Variants in ZNF8 observed in about 807,000 individuals in gnomAD.
ZNF8 encodes zinc finger protein 272.
ZNF8 carries 9 observed loss-of-function variants against 12.2 expected under a neutral mutation model. The ratio of observed to expected loss-of-function variants is 0.73; its 90% CI spans 0.44 to 1.28. The LOEUF (loss-of-function observed/expected upper bound fraction) is 1.28, where lower values mean the gene tolerates loss of function less well. Among genes scored for constraint, ZNF8 ranks in the 50% most tolerant of loss-of-function variants. The pLI, the probability that ZNF8 is intolerant of heterozygous loss-of-function variation, is 0.00. For synonymous variants in ZNF8, 274 were observed against 282.3 expected, an observed-to-expected ratio of 0.97 and a Z score of 0.30; for missense variants, 664 against 729.1, an observed-to-expected ratio of 0.91 and a Z score of 1.03.
chr19:58,292,782 C>T (rs975875980), intron 3 of ZNF8, among the ~76,000 whole-genome samples: 2 of 152,132 alleles, frequency 1.3e-5, no homozygotes, highest in African/African-American at 2.4e-5. Context: ...CATAATATCC[C>T]GTCGTATGGA....
At chr19:58,288,950 A>G (rs1405204573) in intron 3 of ZNF8, among the ~76,000 whole-genome samples, 1 of 152,136 alleles carries the variant, frequency 6.6e-6, no homozygotes. Context: ...CTTATGCCAT[A>G]ACCAAATCCA....
chr19:58,279,325 C>A (rs1267268043), intron 1 of ZNF8, 178 bp downstream of exon 1: 1 of 1,485,986 alleles, frequency 6.7e-7, no homozygotes, highest in African/African-American at 1.4e-5. Flanking sequence ...GAGAGGGGGC[C>A]GGGATTCCAA....
intron 2 of ZNF8, 119 bp downstream of exon 2, chr19:58,285,962 A>G: frequency 6.9e-7 from 1 of 1,446,636 alleles, no homozygotes; most frequent in Admixed American, 2.0e-5. Flanking sequence ...ATGAAGAGGG[A>G]GGTCTGCCCT....
chr19:58,288,294 A>G (rs1446516132), intron 3 of ZNF8, among the ~76,000 whole-genome samples: 3 of 152,192 alleles, frequency 2.0e-5, no homozygotes, highest in Non-Finnish European at 2.9e-5. Context: ...CTTGTAAAAC[A>G]GGAGCCCTGA....
Position 58,294,592 on chromosome 19 carries a change from T to C in ZNF8, c.784T>C (p.Cys262Arg). Residue 262 changes from cysteine (C) to arginine (R), a missense_variant, in exon 4 of 4, where the codon TGT becomes CGT. By Grantham distance (180) the Cys-to-Arg change is radical. This residue lies in a region of ZNF8 where 133 missense variants were observed against 198.4 expected (regional missense o/e 0.67). Transcript: ENST00000621650. The surrounding 1 kb of genome is among the most constrained non-coding windows in gnomAD (Gnocchi z 5.5). ...VQDKPYKCTD[C>R]GKSFNHNAHL... ...GGACAAACCCTACAAATGTACTGAC[T>C]GTGGGAAGTCGTTTAACCATAACGC... 1.2e-6 allele frequency: 2 copies of C among 1,614,170 alleles called. No individual in the cohort carries two copies. The highest frequency in any genetic ancestry group is 8.5e-7 in the Non-Finnish European group (1 of 1,180,034).
chr19:58,284,723 C>T (rs2051372376), intron 1 of ZNF8, among the ~76,000 whole-genome samples: 1 of 152,146 alleles, frequency 6.6e-6, no homozygotes, highest in African/African-American at 2.4e-5. Context: ...GTGGTGCGCT[C>T]CTGTAGTCCC....
intron 1 of ZNF8, chr19:58,279,711 G>A (rs780433778): frequency 1.3e-6 from 2 of 1,523,360 alleles, no homozygotes; most frequent in Admixed American, 2.0e-5. Context: ...CTGCGAGACT[G>A]TGGGAGAACT....
At chr19:58,286,064 C>A in intron 2 of ZNF8, 46 bp from the exon 3 acceptor site, 1 of 1,584,550 alleles carries the variant, frequency 6.3e-7, no homozygotes, top group Non-Finnish European at 8.6e-7. Flanking sequence ...CTTGTTGTTT[C>A]TCTCCTGAGC....
intron 2 of ZNF8, 76 bp downstream of exon 2, chr19:58,285,919 T>A (rs1392864494): frequency 1.1e-5 from 16 of 1,519,216 alleles, no homozygotes; most frequent in African/African-American, 1.4e-5. Context: ...TGTGAGGACC[T>A]GACCTTGGGT....
intron 1 of ZNF8, chr19:58,280,413 A>G (rs749744700): frequency 1.4e-4 from 21 of 153,624 alleles, no homozygotes; most frequent in Non-Finnish European, 2.3e-4. Context: ...CAAGGTAGAA[A>G]CTGTAACACC....
intron 1 of ZNF8, among the ~76,000 whole-genome samples, chr19:58,282,172 C>G (rs2051354354): frequency 7.3e-6 from 1 of 136,802 alleles, no homozygotes; most frequent in African/African-American, 2.7e-5. Flanking sequence ...TGTTTTTTAA[C>G]CTAGCAGCAA....
At chr19:58,281,844 G>A (rs1267995280) in intron 1 of ZNF8, among the ~76,000 whole-genome samples, 1 of 152,188 alleles carries the variant, frequency 6.6e-6, no homozygotes, top group Non-Finnish European at 1.5e-5. Context: ...CTGGTGCAGT[G>A]GCTCATGCCT....
intron 1 of ZNF8, 92 bp downstream of exon 1, chr19:58,279,239 G>A (rs1224147253): frequency 6.5e-7 from 1 of 1,535,222 alleles, no homozygotes; most frequent in Non-Finnish European, 8.7e-7. Context: ...GATGAGAGCG[G>A]CACCGCTGTT....
chr19:58,294,770 C>T lies in ZNF8; in HGVS notation c.962C>T (p.Ser321Phe), dbSNP rs1305152804. The change falls in exon 4 of 4, where the codon TCT (serine) becomes TTT (phenylalanine). Residue 321 changes from serine to phenylalanine, a missense_variant. Physicochemically the swap from Ser to Phe is radical, Grantham distance 155. Coordinates refer to ENST00000621650, the MANE Select transcript of ZNF8 (RefSeq NM_021089.3). The surrounding 1 kb of genome is among the most constrained non-coding windows in gnomAD (Gnocchi z 5.5). ...KPYKCAECGKSFCHSTHLTVH... is the reference protein window; with the variant it reads ...KPYKCAECGKFFCHSTHLTVH... ...TACAAGTGTGCCGAATGTGGGAAGT[C>T]TTTCTGCCATAGTACACACCTTACC... is the stretch of plus-strand genomic sequence containing the variant. 6.2e-7 allele frequency: 1 copy of T among 1,614,182 alleles called. No homozygotes were observed. The highest frequency in any genetic ancestry group is 8.5e-7 in the Non-Finnish European group (1 of 1,180,040).
intron 3 of ZNF8, among the ~76,000 whole-genome samples, chr19:58,287,174 G>A (rs918373149): frequency 6.6e-6 from 1 of 152,010 alleles, no homozygotes; most frequent in South Asian, 2.1e-4. Context: ...CGAGTAGCTG[G>A]GATTACAGAC....
Position 58,294,655 on chromosome 19 carries a change from A to G in ZNF8, c.847A>G (p.Arg283Gly), listed in dbSNP as rs760734323. 6.2e-7 allele frequency: 1 copy of G among 1,614,204 alleles called. No homozygotes were observed. Among genetic ancestry groups the G allele is most frequent in the South Asian group, 1.1e-5 (1 of 91,084 alleles). Residue 283 changes from arginine to glycine, a missense_variant, in exon 4 of 4, where the codon AGA becomes GGA. By Grantham distance (125) the Arg-to-Gly change is moderately radical. Transcript: ENST00000621650. This position sits in a 1 kb window ranked among gnomAD's most constrained non-coding sequence, Gnocchi z 5.5. ...TVHKRIHTGE[R>G]PYMCKECGKA... The stretch of plus-strand genomic sequence containing the variant: ...GCACAAGAGGATTCATACGGGAGAA[A>G]GACCTTATATGTGCAAGGAGTGTGG...
chr19:58,285,858 G>T lies in ZNF8; in HGVS notation c.193+15G>T, dbSNP rs149779948. 5.6e-6 allele frequency: 9 copies of T among 1,598,440 alleles called. No individual in the cohort carries two copies. The South Asian group carries it at 6.8e-5, about 12-fold the overall frequency. On this transcript the variant is annotated intron_variant, in intron 2 of 3. Coordinates refer to ENST00000621650, the MANE Select transcript of ZNF8 (RefSeq NM_021089.3). The stretch of plus-strand genomic sequence containing the variant: ...GCTCTCCATAGGTAAGCCCTGCTTC[G>T]CAAGGTGTGATAGCTGATTCTCTCT...
chr19:58,284,647 G>C (rs1845213944), intron 1 of ZNF8, among the ~76,000 whole-genome samples: 1 of 152,112 alleles, frequency 6.6e-6, no homozygotes, highest in Non-Finnish European at 1.5e-5. Context: ...CTAGGGGTTC[G>C]AGACCAACCT....
rs1221895177 is a variant in ZNF8, at chr19:58,302,359, A to G, written c.*6823A>G. On this transcript the variant is annotated 3_prime_UTR_variant, in exon 4 of 4. Coordinates refer to ENST00000621650, the MANE Select transcript of ZNF8 (RefSeq NM_021089.3). ...CCATCCATAGATGGTCCTTACCATT[A>G]GGATTTTACTAATTTTCCTTGCAGC... 3 of 152,228 alleles carry G rather than the reference A, an allele frequency of 2.0e-5. No homozygotes were observed. Among genetic ancestry groups the G allele is most frequent in the African/African-American group, 7.2e-5 (3 of 41,468 alleles). 9.4% of individuals were successfully genotyped at this position (152,228 alleles called of 1,614,324 possible).
Sources: allele counts gnomAD v4.1 joint callset (sites outside exome capture counted in the v4.1 genomes callset), GRCh38; gene constraint gnomAD v4.1.1; regional missense constraint gnomAD v4.1.1; non-coding constraint Gnocchi (gnomAD v3.1); transcripts MANE v1.5; gene names NCBI Gene and HGNC (gene_info 2026-07-23, HGNC 2026-07-21).